CACNG2: variants seen among roughly 807,000 people sequenced by gnomAD.
CACNG2 encodes the protein voltage-dependent calcium channel gamma-2 subunit.
CACNG2 carries 3 observed loss-of-function variants against 25.9 expected under a neutral mutation model. That is an observed-to-expected ratio of 0.12 (90% CI 0.05 to 0.30). The LOEUF is 0.30. Among genes scored for constraint, CACNG2 ranks in the 10% least tolerant of loss-of-function variants. The pLI is 1.00. For missense variants in CACNG2, 341 were observed against 432.5 expected, an observed-to-expected ratio of 0.79 and a Z score of 1.88; for synonymous variants, 167 against 173.3, an observed-to-expected ratio of 0.96 and a Z score of 0.29.
chr22:36,641,863 A>T (rs997792734), intron 1 of CACNG2, among the ~76,000 whole-genome samples: 1 of 152,214 alleles, frequency 6.6e-6, no homozygotes, highest in African/African-American at 2.4e-5. Flanking sequence ...TTTACAGTTC[A>T]TGTCTCAGAA....
At chr22:36,578,053 G>C (rs1195220003) in intron 2 of CACNG2, among the ~76,000 whole-genome samples, 3 of 151,866 alleles carry the variant, frequency 2.0e-5, no homozygotes, top group Non-Finnish European at 4.4e-5. Flanking sequence ...GGAGGGTGGG[G>C]CTGGGTGATC....
chr22:36,625,481 G>T (rs1936170936), intron 1 of CACNG2, among the ~76,000 whole-genome samples: 1 of 152,144 alleles, frequency 6.6e-6, no homozygotes, highest in Non-Finnish European at 1.5e-5. Flanking sequence ...TGTCCCCAGG[G>T]TCTAGATAGC....
At chr22:36,612,519 A>G (rs555035720) in intron 1 of CACNG2, among the ~76,000 whole-genome samples, 2 of 152,296 alleles carry the variant, frequency 1.3e-5, no homozygotes, top group Non-Finnish European at 1.5e-5. Flanking sequence ...TTTACCAGCC[A>G]ATATCTTCCG....
chr22:36,673,089 G>T (rs1282580953), intron 1 of CACNG2, among the ~76,000 whole-genome samples: 4 of 152,230 alleles, frequency 2.6e-5, no homozygotes, highest in Non-Finnish European at 5.9e-5. Context: ...AGCTGGGCAT[G>T]GTGGTGCATG....
At chr22:36,698,207 T>G (rs1013313593) in intron 1 of CACNG2, among the ~76,000 whole-genome samples, 1 of 152,186 alleles carries the variant, frequency 6.6e-6, no homozygotes, top group Non-Finnish European at 1.5e-5. Context: ...TCTCTCTCTC[T>G]CGATCACTTG....
At chr22:36,644,493 C>G (rs2145969837) in intron 1 of CACNG2, among the ~76,000 whole-genome samples, 1 of 152,274 alleles carries the variant, frequency 6.6e-6, no homozygotes, top group Non-Finnish European at 1.5e-5. Flanking sequence ...CACTGACTCA[C>G]CACTCCTGGT....
chr22:36,586,962 T>G (rs1328390131), intron 2 of CACNG2, among the ~76,000 whole-genome samples: 1 of 152,068 alleles, frequency 6.6e-6, no homozygotes, highest in African/African-American at 2.4e-5. Context: ...TCTCTCTTTT[T>G]TTTTTTTTCA....
At chr22:36,659,978 T>A (rs1329385134) in intron 1 of CACNG2, among the ~76,000 whole-genome samples, 3 of 152,148 alleles carry the variant, frequency 2.0e-5, no homozygotes, top group African/African-American at 4.8e-5. Context: ...GCTGGTGGCT[T>A]CCAGCTTGCA....
chr22:36,585,213 T>C (rs1253112725), intron 2 of CACNG2: 2 of 152,206 alleles, frequency 1.3e-5, no homozygotes, highest in Non-Finnish European at 2.9e-5. Flanking sequence ...TCATAGTCTC[T>C]TGGGGATCCC....
chr22:36,592,209 G>A (rs1935606715), intron 1 of CACNG2, among the ~76,000 whole-genome samples: 1 of 138,622 alleles, frequency 7.2e-6, no homozygotes, highest in East Asian at 2.3e-4. Flanking sequence ...ATGAGGTCCT[G>A]AAGGGCAAGT....
At chr22:36,570,543 T>G (rs1341219026) in intron 2 of CACNG2, among the ~76,000 whole-genome samples, 1 of 151,974 alleles carries the variant, frequency 6.6e-6, no homozygotes, top group East Asian at 1.9e-4. Flanking sequence ...GTGGATCACC[T>G]GAGGTCAGGA....
At chr22:36,661,066 C>A (rs1316402493) in intron 1 of CACNG2, among the ~76,000 whole-genome samples, 2 of 152,200 alleles carry the variant, frequency 1.3e-5, no homozygotes, top group African/African-American at 4.8e-5. Context: ...AGGCAGGTTC[C>A]TTGGTGCTAA....
chr22:36,571,946 G>C (rs1935237026), intron 2 of CACNG2, among the ~76,000 whole-genome samples: 1 of 151,542 alleles, frequency 6.6e-6, no homozygotes. Context: ...ACTAGAAGTT[G>C]CACAGTAAAA....
chr22:36,644,770 G>A (rs1348566287), intron 1 of CACNG2, among the ~76,000 whole-genome samples: 3 of 152,060 alleles, frequency 2.0e-5, no homozygotes, highest in Non-Finnish European at 2.9e-5. Flanking sequence ...TTAAAACAGC[G>A]CCTGGTGAAT....
intron 2 of CACNG2, among the ~76,000 whole-genome samples, chr22:36,580,276 C>T (rs1237894160): frequency 6.6e-6 from 1 of 152,072 alleles, no homozygotes; most frequent in Non-Finnish European, 1.5e-5. Context: ...AGACGGCCAT[C>T]GTATGGGTCC....
chr22:36,688,294 C>T (rs1937226086), intron 1 of CACNG2, among the ~76,000 whole-genome samples: 1 of 152,038 alleles, frequency 6.6e-6, no homozygotes. Context: ...CCTGTAATCC[C>T]AGCACTTTGG....
intron 1 of CACNG2, among the ~76,000 whole-genome samples, chr22:36,674,683 G>A (rs977769567): frequency 7.9e-5 from 12 of 152,308 alleles, no homozygotes; most frequent in Non-Finnish European, 1.8e-4. Flanking sequence ...AGGAAACTGA[G>A]GCCTAATGCA....
intron 1 of CACNG2, among the ~76,000 whole-genome samples, chr22:36,594,333 A>G (rs1457033531): frequency 6.6e-6 from 1 of 152,204 alleles, no homozygotes; most frequent in Non-Finnish European, 1.5e-5. Context: ...ACTATATTAG[A>G]AGGAGGTATG....
At chr22:36,588,002 G>A (rs1301061231) in intron 1 of CACNG2, among the ~76,000 whole-genome samples, 2 of 152,242 alleles carry the variant, frequency 1.3e-5, no homozygotes, top group South Asian at 2.1e-4. Flanking sequence ...TGCTGCCACA[G>A]CCCTTTAGAA....
Sources: allele counts gnomAD v4.1 joint callset (sites outside exome capture counted in the v4.1 genomes callset), GRCh38; gene constraint gnomAD v4.1.1; transcripts MANE v1.5; gene names NCBI Gene and HGNC (gene_info 2026-07-23, HGNC 2026-07-21).